Variants in ROBO2 observed in about 807,000 individuals in gnomAD.
ROBO2 encodes the protein roundabout guidance receptor 2, also known as roundabout homolog 2.
ROBO2 carries 53 observed loss-of-function variants against 160.8 expected under a neutral mutation model. The observed-to-expected ratio is 0.33, with a 90% CI of 0.26 to 0.41. The LOEUF is 0.41. ROBO2 is among the 10% of genes least tolerant of loss of function. ROBO2 has a pLI of 1.00. For synonymous variants in ROBO2, 664 were observed against 611.7 expected (o/e 1.09, Z -1.26); for missense variants, 1,577 against 1,722.4 (o/e 0.92, Z 1.49).
intron 2 of ROBO2, among the ~76,000 whole-genome samples, chr3:76,771,259 A>G (rs2061889505): frequency 6.6e-6 from 1 of 151,256 alleles, no homozygotes; most frequent in African/African-American, 2.4e-5. Flanking sequence ...TCTTACATTG[A>G]TTACATGCTG....
At chr3:75,923,010 T>G (rs1170448891) in intron 1 of ROBO2, among the ~76,000 whole-genome samples, 1 of 152,204 alleles carries the variant, frequency 6.6e-6, no homozygotes, top group African/African-American at 2.4e-5. Context: ...AAGCAGCCTT[T>G]CAGGTATAAA....
At chr3:77,643,926 A>C (rs541366313) in intron 24 of ROBO2, among the ~76,000 whole-genome samples, 1 of 152,174 alleles carries the variant, frequency 6.6e-6, no homozygotes, top group African/African-American at 2.4e-5. Flanking sequence ...AGACTATGTA[A>C]GGGGAGAAAT....
At chr3:76,645,197 TCTG>T (rs2090904098) in intron 2 of ROBO2, among the ~76,000 whole-genome samples, 2 of 152,214 alleles carry the variant, frequency 1.3e-5, no homozygotes, top group African/African-American at 4.8e-5. Flanking sequence ...ATGAATTATC[TCTG>T]CTGCTATTTT....
At chr3:77,076,534 G>A (rs540563549) in intron 1 of ROBO2, among the ~76,000 whole-genome samples, 8 of 151,840 alleles carry the variant, frequency 5.3e-5, no homozygotes, top group Non-Finnish European at 8.8e-5. Flanking sequence ...TTCTCATAAT[G>A]AGTAAATTTT....
intron 2 of ROBO2, among the ~76,000 whole-genome samples, chr3:77,456,435 T>G (rs1260213356): frequency 2.6e-5 from 4 of 152,190 alleles, no homozygotes; most frequent in African/African-American, 9.7e-5. Context: ...GAAAAAACAC[T>G]TAATGATGTT....
intron 2 of ROBO2, among the ~76,000 whole-genome samples, chr3:76,082,396 T>C (rs1469255523): frequency 6.6e-6 from 1 of 151,766 alleles, no homozygotes; most frequent in Non-Finnish European, 1.5e-5. Flanking sequence ...ATGGGAAGGG[T>C]AGATGATGAG....
At chr3:76,447,683 A>G (rs1223540698) in intron 2 of ROBO2, among the ~76,000 whole-genome samples, 2 of 151,714 alleles carry the variant, frequency 1.3e-5, no homozygotes, top group African/African-American at 4.8e-5. Context: ...AAAATGTGGC[A>G]CATATACACC....
intron 2 of ROBO2, among the ~76,000 whole-genome samples, chr3:77,389,827 T>C (rs1391010388): frequency 6.6e-6 from 1 of 152,112 alleles, no homozygotes; most frequent in African/African-American, 2.4e-5. Context: ...TTTAGGAGTG[T>C]GTCTGTTTTC....
intron 2 of ROBO2, among the ~76,000 whole-genome samples, chr3:76,970,199 C>G (rs2059506313): frequency 1.3e-5 from 2 of 152,098 alleles, no homozygotes; most frequent in Non-Finnish European, 1.5e-5. Flanking sequence ...GCTATTTATC[C>G]ACGTTGTCAT....
chr3:77,035,111 G>T (rs6795561), upstream of ROBO2, among the ~76,000 whole-genome samples: 55,974 of 151,544 alleles, frequency 0.37, 12,473 homozygotes, highest in African/African-American at 0.63. Context: ...ATTCTCATTT[G>T]GTAAAATCAT....
chr3:77,289,685 C>T (rs1170948789), intron 2 of ROBO2, among the ~76,000 whole-genome samples: 1 of 149,782 alleles, frequency 6.7e-6, no homozygotes, highest in African/African-American at 2.5e-5. Context: ...GAAGTTGAGG[C>T]TAGAACACTA....
chr3:76,833,087 G>T (rs2067226364), intron 2 of ROBO2, among the ~76,000 whole-genome samples: 1 of 152,030 alleles, frequency 6.6e-6, no homozygotes, highest in South Asian at 2.1e-4. Flanking sequence ...TCAGTTTCAA[G>T]GTCAAGAAGT....
upstream of ROBO2, among the ~76,000 whole-genome samples, chr3:77,035,641 TTGGTGACCACTTCAAAA>T (rs1237567992): frequency 6.6e-6 from 1 of 151,932 alleles, no homozygotes; most frequent in Non-Finnish European, 1.5e-5. Flanking sequence ...GAGACAAGTA[TTGGTGACCACTTCAAAA>T]TGAATCGAAT....
At position 76,449,000 on chromosome 3, in the gene ROBO2, T is replaced by G. The variant is rs554505499; in HGVS notation, c.109+511398T>G. Among the ~76,000 whole-genome samples the G allele has an allele frequency of 2.6e-5, 4 of 152,196 alleles. No individual in the cohort carries two copies. The South Asian group carries it at 8.3e-4, about 32-fold the overall frequency. On this transcript the variant is annotated intron_variant, in intron 2 of 26. Transcript: ENST00000487694. ...ACATTCTTACAAAGCAATTTTTAAA[T>G]TGTAAGGAAAAACGGAAATATAAAT...
chr3:76,834,062 T>TTTTCTTTCTTTTCTTTCTTTCTTTC (rs2067369815), intron 2 of ROBO2, among the ~76,000 whole-genome samples: 1 of 88,012 alleles, frequency 1.1e-5, no homozygotes, highest in African/African-American at 4.5e-5. Flanking sequence ...CCTTTCTTTC[T>TTTTCTTTCTTTTCTTTCTTTCTTTC]TTTCTTTCTT....
intron 2 of ROBO2, among the ~76,000 whole-genome samples, chr3:76,194,350 G>GTGTGTGTGTATATATATATATATATATA: frequency 2.4e-5 from 1 of 42,058 alleles, no homozygotes; most frequent in Admixed American, 2.2e-4. Flanking sequence ...TGTATGGTGT[G>GTGTGTGTGTATATATATATATATATATA]TAAATATATA....
At chr3:77,584,271 T>G (rs2093987381) in intron 16 of ROBO2, among the ~76,000 whole-genome samples, 1 of 152,122 alleles carries the variant, frequency 6.6e-6, no homozygotes, top group South Asian at 2.1e-4. Flanking sequence ...CTGTATGGAT[T>G]GCGGTGCTCC....
intron 2 of ROBO2, among the ~76,000 whole-genome samples, chr3:77,102,065 A>G (rs1489840659): frequency 6.6e-6 from 1 of 152,098 alleles, no homozygotes; most frequent in Non-Finnish European, 1.5e-5. Context: ...AAGAGTACTA[A>G]ACATGGTTGA....
chr3:77,465,641 A>T (rs1210754215), intron 2 of ROBO2, among the ~76,000 whole-genome samples: 3 of 152,150 alleles, frequency 2.0e-5, no homozygotes, highest in Admixed American at 1.3e-4. Flanking sequence ...TTCAGCTAAG[A>T]TGTGAAGGTT....
Sources: gnomAD v4.1 joint callset for allele counts (sites outside exome capture counted in the v4.1 genomes callset) on GRCh38, gnomAD v4.1.1 for gene constraint, MANE v1.5 for transcripts, NCBI Gene and HGNC (gene_info 2026-07-23, HGNC 2026-07-21) for gene names.